Variants in DLGAP1 observed in about 807,000 individuals in gnomAD.
The protein encoded by DLGAP1 is DLG associated protein 1.
In DLGAP1, 11 loss-of-function variants were observed where a neutral mutation model predicts 90.8. The ratio of observed to expected loss-of-function variants is 0.12; its 90% confidence interval spans 0.08 to 0.20. The LOEUF (loss-of-function observed/expected upper bound fraction) is 0.20, where lower values mean the gene tolerates loss of function less well. Ranked by LOEUF, DLGAP1 falls within the 10% of genes least tolerant of loss-of-function variation. The probability of loss-of-function intolerance (pLI) is 1.00; values close to 1 mark genes in which losing one functional copy is unlikely to be tolerated. For missense variants in DLGAP1, 1,050 were observed against 1,333.8 expected, an observed-to-expected ratio of 0.79 and a Z score of 3.31; for synonymous variants, 558 against 540.7, an observed-to-expected ratio of 1.03 and a Z score of -0.44.
chr18:4,430,624 A>G (rs184264444), intron 1 of DLGAP1: 1 of 152,112 alleles, frequency 6.6e-6, no homozygotes, highest in East Asian at 1.9e-4. Flanking sequence ...AAACCTGTAT[A>G]CATTTATGTG....
chr18:3,545,360 C>T (rs1449053377), intron 9 of DLGAP1, among the ~76,000 whole-genome samples: 2 of 151,814 alleles, frequency 1.3e-5, no homozygotes, highest in Admixed American at 1.3e-4. Context: ...CATACTTTTC[C>T]AAGTATTTCA....
At position 3,744,014 on chromosome 18, in the gene DLGAP1, A is replaced by T. The variant is rs779144900; in HGVS notation, c.1173-1502T>A. Among the ~76,000 whole-genome samples, 3 of 152,142 alleles carry T rather than the reference A, an allele frequency of 2.0e-5. No individual in the cohort carries two copies. In the East Asian group the frequency reaches 5.8e-4, roughly 29 times the overall value. Reference sequence around the variant, plus strand: ...AGTGCGATTTTTCTTTCTTTATTAGATTTCTTTCATTTTGGCTGTAACATT... The same window carrying T: ...AGTGCGATTTTTCTTTCTTTATTAGTTTTCTTTCATTTTGGCTGTAACATT... On this transcript the variant is annotated intron_variant, in intron 5 of 12. Transcript: ENST00000315677.
At chr18:3,938,126 A>C (rs546268416) in intron 3 of DLGAP1, among the ~76,000 whole-genome samples, 73 of 152,370 alleles carry the variant, frequency 4.8e-4, no homozygotes, top group African/African-American at 1.7e-3. Flanking sequence ...GCAGCAACAC[A>C]GGCACTAGAA....
intron 2 of DLGAP1, among the ~76,000 whole-genome samples, chr18:4,024,554 C>A (rs940839099): frequency 1.3e-5 from 2 of 152,140 alleles, no homozygotes; most frequent in African/African-American, 4.8e-5. Context: ...CATGTCTGTT[C>A]GTGCTCACAA....
intron 3 of DLGAP1, among the ~76,000 whole-genome samples, chr18:3,968,873 C>G (rs1439598365): frequency 1.3e-5 from 2 of 151,884 alleles, no homozygotes; most frequent in Non-Finnish European, 2.9e-5. Flanking sequence ...TAATTAGCAA[C>G]AAGAAGAGAA....
At position 4,162,619 on chromosome 18, in the gene DLGAP1, T is replaced by A. The variant is rs777291878; in HGVS notation, c.-266-11332A>T. 4.7e-4 allele frequency among the ~76,000 whole-genome samples: 72 copies of A among 152,310 alleles called. 1 individual carries two copies. The highest frequency in any genetic ancestry group is 3.3e-3 in the Admixed American group (51 of 15,294). ...TTTGAAAAGGTTCTATACCTGATTT[T>A]ATATGACCATGTCCAGTGTCAGAGA... On this transcript the variant is annotated intron_variant, in intron 1 of 12. Transcript: ENST00000315677.
At chr18:3,704,842 G>C (rs1248388799) in intron 7 of DLGAP1, among the ~76,000 whole-genome samples, 1 of 152,124 alleles carries the variant, frequency 6.6e-6, no homozygotes, top group African/African-American at 2.4e-5. Context: ...TGGCAGGAAT[G>C]CATGCAATTA....
intron 3 of DLGAP1, among the ~76,000 whole-genome samples, chr18:3,906,570 C>T (rs62083566): frequency 0.057 from 8,621 of 152,092 alleles, 271 homozygotes; most frequent in South Asian, 0.074. Context: ...ATTATAATTA[C>T]GTAATTTAAA....
At chr18:4,086,298 T>C (rs59194016) in intron 2 of DLGAP1, among the ~76,000 whole-genome samples, 43,324 of 152,080 alleles carry the variant, frequency 0.28, 6,537 homozygotes, top group African/African-American at 0.33. Flanking sequence ...TCGTCTTCAT[T>C]ACCTCTGTGT....
At chr18:3,619,932 T>G (rs945862301) in intron 7 of DLGAP1, among the ~76,000 whole-genome samples, 2 of 151,784 alleles carry the variant, frequency 1.3e-5, no homozygotes, top group Admixed American at 1.3e-4. Flanking sequence ...TCCTCCCACC[T>G]CAGCCTCCTA....
chr18:3,842,069 G>T (rs2068745866), intron 4 of DLGAP1, among the ~76,000 whole-genome samples: 1 of 141,376 alleles, frequency 7.1e-6, no homozygotes, highest in African/African-American at 2.6e-5. Context: ...GATGAGACTG[G>T]AAAGTTGGGA....
Position 4,056,259 on chromosome 18 carries a change from T to C in DLGAP1, c.-158-51058A>G, listed in dbSNP as rs187673942. On this transcript the variant is annotated intron_variant, in intron 2 of 12. Coordinates refer to ENST00000315677, the MANE Select transcript of DLGAP1 (RefSeq NM_004746.4). ...TACTGCAAGGTGTTTCTAAGAAAGG[T>C]TTGGGCAGGCTGATGGGTGGCCTGC... 5.5e-3 allele frequency among the ~76,000 whole-genome samples: 842 copies of C among 152,108 alleles called. 4 individuals are homozygous for C. Among genetic ancestry groups the C allele is most frequent in the South Asian group, 0.025 (118 of 4,802 alleles).
At chr18:3,787,284 C>A (rs2065497240) in intron 5 of DLGAP1, among the ~76,000 whole-genome samples, 1 of 151,762 alleles carries the variant, frequency 6.6e-6, no homozygotes, top group South Asian at 2.1e-4. Context: ...GAGTTCAAAA[C>A]CAGCCTGGCC....
chr18:4,369,815 TAAAAAAAAAAAA>T (rs11387946), intron 1 of DLGAP1, among the ~76,000 whole-genome samples: 4 of 74,642 alleles, frequency 5.4e-5, no homozygotes, highest in Non-Finnish European at 1.0e-4. Flanking sequence ...AAAGTCTTAG[TAAAAAAAAAAAA>T]AAAAAAAAAA....
chr18:4,141,677 G>C (rs1336292166), intron 2 of DLGAP1, among the ~76,000 whole-genome samples: 1 of 151,502 alleles, frequency 6.6e-6, no homozygotes, highest in Non-Finnish European at 1.5e-5. Context: ...TGTCCTTTCT[G>C]ACTGTCTATT....
chr18:3,785,270 A>G (rs527288141), intron 5 of DLGAP1, among the ~76,000 whole-genome samples: 1 of 152,340 alleles, frequency 6.6e-6, no homozygotes, highest in African/African-American at 2.4e-5. Flanking sequence ...GCTGCAGTCA[A>G]GGTCTCAGCA....
chr18:4,384,560 CTT>C (rs995498783), intron 1 of DLGAP1, among the ~76,000 whole-genome samples: 4 of 151,808 alleles, frequency 2.6e-5, no homozygotes, highest in Non-Finnish European at 4.4e-5. Context: ...GTGAGTTTTC[CTT>C]TGTTATTTTT....
intron 1 of DLGAP1, among the ~76,000 whole-genome samples, chr18:4,194,771 T>G (rs924895222): frequency 6.6e-6 from 1 of 152,184 alleles, no homozygotes; most frequent in East Asian, 1.9e-4. Context: ...TATAGGTGTA[T>G]TTCACTTTTT....
intron 7 of DLGAP1, chr18:3,603,184 T>A (rs640617): frequency 0.65 from 98,512 of 151,986 alleles, 33,242 homozygotes; most frequent in Non-Finnish European, 0.74. Context: ...CCTTGTCAGG[T>A]CACCAGATAA....
Sources: gnomAD v4.1 joint callset for allele counts (sites outside exome capture counted in the v4.1 genomes callset) on GRCh38, gnomAD v4.1.1 for gene constraint, MANE v1.5 for transcripts, NCBI Gene and HGNC (gene_info 2026-07-23, HGNC 2026-07-21) for gene names.